The following NCOA3 variants were observed in gnomAD, a reference collection of about 807,000 sequenced individuals.
NCOA3 encodes the protein nuclear receptor coactivator 3.
A neutral mutation model predicts 158.8 loss-of-function variants in NCOA3; 51 were observed. That is an observed-to-expected ratio of 0.32 (90% confidence interval 0.26 to 0.41). The LOEUF is 0.41. NCOA3 is among the 10% of genes least tolerant of loss of function. NCOA3 has a pLI of 1.00. For missense variants in NCOA3, 1,510 were observed against 1,746.6 expected, an observed-to-expected ratio of 0.86 and a Z score of 2.41; for synonymous variants, 537 against 592.4, an observed-to-expected ratio of 0.91 and a Z score of 1.36.
intron 1 of NCOA3, among the ~76,000 whole-genome samples, chr20:47,517,150 G>A (rs2084246834): frequency 6.6e-6 from 1 of 152,134 alleles, no homozygotes. Flanking sequence ...CCTTGGAGGT[G>A]GAGGTTGCCA....
intron 1 of NCOA3, among the ~76,000 whole-genome samples, chr20:47,515,472 CTT>C (rs111350575): frequency 1.5e-5 from 2 of 130,018 alleles, no homozygotes; most frequent in Non-Finnish European, 3.3e-5. Flanking sequence ...TTCTTTCTTT[CTT>C]TTTTTTTTTT....
At chr20:47,588,501 A>C (rs1221901496) in intron 2 of NCOA3, among the ~76,000 whole-genome samples, 1 of 152,086 alleles carries the variant, frequency 6.6e-6, no homozygotes, top group Non-Finnish European at 1.5e-5. Context: ...TTTGAAACAA[A>C]ATTAAGTTTA....
chr20:47,596,513 A>C (rs2085758774), intron 2 of NCOA3, among the ~76,000 whole-genome samples: 1 of 152,206 alleles, frequency 6.6e-6, no homozygotes, highest in Non-Finnish European at 1.5e-5. Context: ...CTAAAGTTTT[A>C]AACAAACTTG....
At chr20:47,508,130 T>C (rs1046100400) in intron 1 of NCOA3, among the ~76,000 whole-genome samples, 1 of 152,186 alleles carries the variant, frequency 6.6e-6, no homozygotes, top group Non-Finnish European at 1.5e-5. Flanking sequence ...AGAAACAAGC[T>C]TAATTTATAT....
At chr20:47,515,599 C>G (rs928182393) in intron 1 of NCOA3, among the ~76,000 whole-genome samples, 4 of 151,432 alleles carry the variant, frequency 2.6e-5, no homozygotes, top group Non-Finnish European at 4.4e-5. Context: ...ATTCTTATGC[C>G]TCAGCGTACT....
At chr20:47,549,800 A>C (rs2084900693) in intron 1 of NCOA3, among the ~76,000 whole-genome samples, 1 of 152,118 alleles carries the variant, frequency 6.6e-6, no homozygotes, top group Admixed American at 6.5e-5. Context: ...TCCCAGGCTC[A>C]AGAAATCCTC....
At chr20:47,519,490 G>A (rs1160523809) in intron 1 of NCOA3, among the ~76,000 whole-genome samples, 2 of 152,110 alleles carry the variant, frequency 1.3e-5, no homozygotes, top group Non-Finnish European at 2.9e-5. Context: ...ACATTAGATG[G>A]TACCTGAGAT....
intron 18 of NCOA3, among the ~76,000 whole-genome samples, chr20:47,648,782 T>A (rs1176952175): frequency 1.3e-5 from 2 of 152,114 alleles, no homozygotes; most frequent in Non-Finnish European, 2.9e-5. Context: ...TGCACTTTAC[T>A]TTTTTTTCCC....
intron 1 of NCOA3, among the ~76,000 whole-genome samples, chr20:47,513,922 T>G (rs2084188412): frequency 6.6e-6 from 1 of 151,976 alleles, no homozygotes; most frequent in Admixed American, 6.6e-5. Flanking sequence ...CAATTTAAAG[T>G]TTGCCAAAAA....
intron 1 of NCOA3, among the ~76,000 whole-genome samples, chr20:47,566,657 A>C (rs1354975196): frequency 5.3e-5 from 8 of 152,028 alleles, no homozygotes; most frequent in Non-Finnish European, 5.9e-5. Flanking sequence ...GACCACAGGC[A>C]CGTGCTACCA....
rs1023720249 is a variant in NCOA3, at chr20:47,655,410, T to A, written c.*1993T>A. On this transcript the variant is annotated 3_prime_UTR_variant, in exon 23 of 23. Transcript: ENST00000371998. ...CACACATTTAGCCAATCTTTCTAGA[T>A]GTCTCTGAAGGTAAGATCATTTAAT... is the stretch of plus-strand genomic sequence containing the variant. 3.9e-5 allele frequency: 6 copies of A among 152,258 alleles called. No individual in the cohort carries two copies. The highest frequency in any genetic ancestry group is 1.4e-4 in the African/African-American group (6 of 41,462). 9.4% of individuals were successfully genotyped at this position (152,258 alleles called of 1,614,324 possible).
chr20:47,506,290 TTTAGG>T (rs1158929672), intron 1 of NCOA3, among the ~76,000 whole-genome samples: 1 of 152,210 alleles, frequency 6.6e-6, no homozygotes, highest in African/African-American at 2.4e-5. Context: ...AGAAGATTAT[TTTAGG>T]TTAAAGATGC....
chr20:47,597,210 A>G (rs1232787997), intron 2 of NCOA3, among the ~76,000 whole-genome samples: 6 of 152,032 alleles, frequency 3.9e-5, no homozygotes, highest in Admixed American at 3.9e-4. Flanking sequence ...ACCAGAAGAA[A>G]CCTCCAACTG....
rs142967694 is a variant in NCOA3 at position 47,510,038 on chromosome 20, G to C, written c.-99+8019G>C. On this transcript the variant is annotated intron_variant, in intron 1 of 22. Transcript: ENST00000371998. ...CATCTTGCATCATTGGAGGGTCAGTGATATCTTTGTCATATAATAAGACAG... is the reference window on the plus strand; with the variant it reads ...CATCTTGCATCATTGGAGGGTCAGTCATATCTTTGTCATATAATAAGACAG... Among the ~76,000 whole-genome samples the C allele has an allele frequency of 1.7e-3, 265 of 152,266 alleles. 3 individuals are homozygous for C. Among genetic ancestry groups the C allele is most frequent in the South Asian group, 7.1e-3 (34 of 4,808 alleles).
chr20:47,647,418 CTA>C (rs780844182), intron 18 of NCOA3, 52 bp downstream of exon 18: 3 of 1,541,488 alleles, frequency 1.9e-6, no homozygotes, highest in Non-Finnish European at 2.7e-6. Context: ...TGTTTTCAGA[CTA>C]TGTTTCTCAG....
intron 1 of NCOA3, among the ~76,000 whole-genome samples, chr20:47,572,559 GAC>G (rs1351062620): frequency 2.7e-5 from 4 of 149,980 alleles, no homozygotes; most frequent in Admixed American, 2.7e-4. Flanking sequence ...TTTTTTATGA[GAC>G]AGTCTCACTC....
chr20:47,651,070 T>TGCAGCAGCAGCAGCAGCAGCAAGA lies in NCOA3; in HGVS notation c.3762_3763insGAGCAGCAGCAGCAGCAGCAGCAA (p.Gln1254_Gln1255insGluGlnGlnGlnGlnGlnGlnGln). 6.2e-7 allele frequency: 1 copy of TGCAGCAGCAGCAGCAGCAGCAAGA among 1,605,394 alleles called. No individual in the cohort carries two copies. Among genetic ancestry groups the TGCAGCAGCAGCAGCAGCAGCAAGA allele is most frequent in the East Asian group, 2.2e-5 (1 of 44,728 alleles). On this transcript the variant is annotated inframe_insertion, in exon 20 of 23. Coordinates refer to ENST00000371998, the MANE Select transcript of NCOA3 (RefSeq NM_181659.3). ...CGACAACAGAGGGTGGCTATGATGA[T>TGCAGCAGCAGCAGCAGCAGCAAGA]GCAGCAGCAGCAGCAGCAGCAACAG... is the stretch of plus-strand genomic sequence containing the variant.
At chr20:47,536,199 C>T (rs144527858) in intron 1 of NCOA3, among the ~76,000 whole-genome samples, 4 of 152,310 alleles carry the variant, frequency 2.6e-5, no homozygotes, top group African/African-American at 7.2e-5. Context: ...ACCATGTACC[C>T]TACTCATCTC....
chr20:47,547,792 T>G (rs1342426827), intron 1 of NCOA3, among the ~76,000 whole-genome samples: 5 of 152,112 alleles, frequency 3.3e-5, no homozygotes, highest in Admixed American at 3.3e-4. Context: ...CTCAGCTCAC[T>G]GCAACCTCCA....
Sources: gnomAD v4.1 joint callset for allele counts (sites outside exome capture counted in the v4.1 genomes callset) on GRCh38, gnomAD v4.1.1 for gene constraint, MANE v1.5 for transcripts, NCBI Gene and HGNC (gene_info 2026-07-23, HGNC 2026-07-21) for gene names.